NIBAN1: variants seen among roughly 807,000 people sequenced by gnomAD.
NIBAN1 encodes the protein niban apoptosis regulator 1.
NIBAN1 carries 81 observed loss-of-function variants against 75.1 expected under a neutral mutation model. That is an observed-to-expected ratio of 1.08 (90% confidence interval 0.90 to 1.30). NIBAN1 has a LOEUF of 1.30. NIBAN1 is among the 50% of genes most tolerant of loss of function. NIBAN1 has a pLI of 0.00. For synonymous variants in NIBAN1, 436 were observed against 424.8 expected (o/e 1.03, Z -0.32); for missense variants, 1,133 against 1,128.1 (o/e 1.00, Z -0.06).
chr1:184,858,815 A>G (rs964636275), intron 5 of NIBAN1, among the ~76,000 whole-genome samples: 1 of 152,226 alleles, frequency 6.6e-6, no homozygotes, highest in African/African-American at 2.4e-5. Flanking sequence ...TGAATCATGT[A>G]GGGTGCAAAC....
Position 184,844,398 on chromosome 1 carries a change from C to T in NIBAN1, c.602-12436G>A, listed in dbSNP as rs74918157. ...TGCTATCTGGGAATATTCTACTCATCATCATTACCAATGATTAATAATAGC... is the reference window on the plus strand; with the variant it reads ...TGCTATCTGGGAATATTCTACTCATTATCATTACCAATGATTAATAATAGC... On this transcript the variant is annotated intron_variant, in intron 5 of 13. Coordinates refer to ENST00000367511, the MANE Select transcript of NIBAN1 (RefSeq NM_052966.4). 4.4e-4 allele frequency among the ~76,000 whole-genome samples: 67 copies of T among 152,324 alleles called. 2 individuals carry two copies. In the East Asian group the frequency reaches 0.01, roughly 24 times the overall value.
intron 5 of NIBAN1, among the ~76,000 whole-genome samples, chr1:184,845,259 G>A (rs769276773): frequency 2.6e-5 from 4 of 152,272 alleles, no homozygotes; most frequent in African/African-American, 7.2e-5. Flanking sequence ...TTGTGAAAAC[G>A]CTAAGCATTT....
chr1:184,814,524 A>G (rs1654472742), intron 9 of NIBAN1, among the ~76,000 whole-genome samples: 1 of 152,230 alleles, frequency 6.6e-6, no homozygotes, highest in Admixed American at 6.5e-5. Flanking sequence ...AGTTGGCCTC[A>G]TGCTACATTC....
intron 1 of NIBAN1, among the ~76,000 whole-genome samples, chr1:184,936,800 C>T (rs1249616714): frequency 6.6e-6 from 1 of 152,182 alleles, no homozygotes; most frequent in Non-Finnish European, 1.5e-5. Context: ...TTAACTTAAT[C>T]ACATCCTCAA....
At chr1:184,934,265 C>T (rs1013154248) in intron 1 of NIBAN1, among the ~76,000 whole-genome samples, 4 of 152,090 alleles carry the variant, frequency 2.6e-5, no homozygotes, top group Non-Finnish European at 4.4e-5. Context: ...GGGAAGTAAA[C>T]ATTGAGTACT....
intron 1 of NIBAN1, among the ~76,000 whole-genome samples, chr1:184,946,186 A>G (rs553027874): frequency 1.1e-3 from 165 of 152,356 alleles, no homozygotes; most frequent in African/African-American, 3.6e-3. Flanking sequence ...CAATGACATC[A>G]TGTTGCTGGA....
In NIBAN1 at chr1:184,793,859, A is replaced by T. The variant is rs754699139; in HGVS notation, c.*1118T>A. The T allele has an allele frequency of 6.6e-6, 1 of 152,238 alleles. No individual in the cohort carries two copies. The highest frequency in any genetic ancestry group is 2.1e-4 in the South Asian group (1 of 4,838). 9.4% of individuals were successfully genotyped at this position (152,238 alleles called of 1,614,324 possible). On this transcript the variant is annotated 3_prime_UTR_variant, in exon 14 of 14. Coordinates refer to ENST00000367511, the MANE Select transcript of NIBAN1 (RefSeq NM_052966.4). ...AACAGAGACTCAATTAGCTTGCTGA[A>T]TGACCAAACAAATGATTTCAGCTTT...
At chr1:184,951,851 C>G (rs980919349) in intron 1 of NIBAN1, among the ~76,000 whole-genome samples, 1 of 152,180 alleles carries the variant, frequency 6.6e-6, no homozygotes, top group Non-Finnish European at 1.5e-5. Flanking sequence ...ATCCCACCTA[C>G]CTTGCTGCCC....
At chr1:184,959,426 G>A (rs1281953995) in intron 1 of NIBAN1, among the ~76,000 whole-genome samples, 1 of 152,148 alleles carries the variant, frequency 6.6e-6, no homozygotes, top group East Asian at 1.9e-4. Flanking sequence ...CGCACATGGA[G>A]CATATAATGA....
At chr1:184,837,036 T>C (rs532147178) in intron 5 of NIBAN1, among the ~76,000 whole-genome samples, 9 of 152,196 alleles carry the variant, frequency 5.9e-5, no homozygotes, top group Non-Finnish European at 2.9e-5. Context: ...GCAATGGTAA[T>C]ATAAAAGCTT....
At chr1:184,917,039 C>A (rs1210884847) in intron 1 of NIBAN1, among the ~76,000 whole-genome samples, 1 of 152,164 alleles carries the variant, frequency 6.6e-6, no homozygotes. Context: ...ACGGATCAAC[C>A]CACCTGCCCA....
rs1297771898 is a variant in NIBAN1, at chr1:184,793,984, G to A, written c.*993C>T. On this transcript the variant is annotated 3_prime_UTR_variant, in exon 14 of 14. Transcript: ENST00000367511. ...TTTGTGCCCTTCTGGGAATGAACCA[G>A]GACTATTTGAATGGAAAGAGAAAAA... The A allele has an allele frequency of 6.6e-6, 1 of 151,436 alleles. No individual in the cohort carries two copies. Among genetic ancestry groups the A allele is most frequent in the African/African-American group, 2.4e-5 (1 of 41,206 alleles). The allele number at this position is 151,436 out of a possible 1,614,324, so 9.4% of individuals were successfully genotyped here. A position where few individuals can be genotyped will look rare whatever the true frequency, so the allele number is the denominator to read the frequency against.
At chr1:184,892,892 C>G (rs1415006685) in intron 3 of NIBAN1, among the ~76,000 whole-genome samples, 3 of 152,160 alleles carry the variant, frequency 2.0e-5, no homozygotes, top group Non-Finnish European at 4.4e-5. Context: ...CTGCCTCACC[C>G]TCTTGAGTAT....
intron 9 of NIBAN1, among the ~76,000 whole-genome samples, chr1:184,816,228 G>A (rs1193992536): frequency 1.3e-5 from 2 of 152,176 alleles, no homozygotes; most frequent in Non-Finnish European, 2.9e-5. Flanking sequence ...CCTCCCAATA[G>A]TCATAATAAT....
At chr1:184,965,538 G>C (rs559331494) in intron 1 of NIBAN1, among the ~76,000 whole-genome samples, 1 of 152,066 alleles carries the variant, frequency 6.6e-6, no homozygotes, top group South Asian at 2.1e-4. Flanking sequence ...AACTAACGCA[G>C]GAACAGAAAA....
rs549103962 is a variant in NIBAN1, at chr1:184,808,260, T to A, written c.1174-25A>T. 5.6e-6 allele frequency: 9 copies of A among 1,610,800 alleles called. No homozygotes were observed. The African/African-American group carries it at 1.2e-4, about 21-fold the overall frequency. Reference sequence around the variant, plus strand: ...GCTGCATTTTGGTGAAGGGAAACATTAAACACCCTCAGAATGAGGAGCGGT... The same window carrying A: ...GCTGCATTTTGGTGAAGGGAAACATAAAACACCCTCAGAATGAGGAGCGGT... On this transcript the variant is annotated intron_variant, in intron 9 of 13. Coordinates refer to ENST00000367511, the MANE Select transcript of NIBAN1 (RefSeq NM_052966.4).
At chr1:184,900,572 G>C (rs1203378956) in intron 1 of NIBAN1, among the ~76,000 whole-genome samples, 1 of 152,176 alleles carries the variant, frequency 6.6e-6, no homozygotes, top group Non-Finnish European at 1.5e-5. Flanking sequence ...GGAAGCTTGA[G>C]GACTTGAGAT....
chr1:184,972,984 G>A (rs752825211), intron 1 of NIBAN1, among the ~76,000 whole-genome samples: 3 of 152,178 alleles, frequency 2.0e-5, no homozygotes, highest in South Asian at 4.1e-4. Flanking sequence ...TTCTCACTAC[G>A]TTCTGTTGAT....
chr1:184,973,638 G>GT (rs1658993520), intron 1 of NIBAN1, among the ~76,000 whole-genome samples: 1 of 152,190 alleles, frequency 6.6e-6, no homozygotes, highest in Non-Finnish European at 1.5e-5. Context: ...TCTCTACTGA[G>GT]TCCCCACATC....
Sources: gnomAD v4.1 joint callset for allele counts (sites outside exome capture counted in the v4.1 genomes callset) on GRCh38, gnomAD v4.1.1 for gene constraint, MANE v1.5 for transcripts, NCBI Gene and HGNC (gene_info 2026-07-23, HGNC 2026-07-21) for gene names.